Variants in KMT2B observed in about 807,000 individuals in gnomAD.
KMT2B encodes the protein histone-lysine N-methyltransferase 2B.
Under a neutral mutation model 255.3 loss-of-function variants are expected in KMT2B, and 22 were observed. That is an observed-to-expected ratio of 0.09 (90% CI 0.06 to 0.12). KMT2B has a LOEUF of 0.12. KMT2B is among the 10% of genes least tolerant of loss of function. The probability of loss-of-function intolerance (pLI) is 1.00; values close to 1 mark genes in which losing one functional copy is unlikely to be tolerated. For synonymous variants in KMT2B, 1,730 were observed against 1,498.1 expected (o/e 1.15, Z -3.57); for missense variants, 3,149 against 3,737.0 (o/e 0.84, Z 4.10).
In KMT2B at chr19:35,724,700, T is replaced by G; in HGVS notation, c.3398T>G (p.Leu1133Trp). Residue 1133 changes from leucine (L) to tryptophan (W), a missense_variant, in exon 9 of 37, where the codon TTG becomes TGG. Leu to Trp is a moderately conservative substitution (Grantham distance 61, BLOSUM62 -2). Around this residue, in one of 18 missense-constraint regions of KMT2B, gnomAD observed 136 missense variants for 137.3 expected, o/e 0.99. Coordinates refer to ENST00000420124, the MANE Select transcript of KMT2B (RefSeq NM_014727.3). ...RPRKPTLQPV[L>W]QLKARRRLDK... ...CGCAAACCTACCCTGCAGCCTGTGT[T>G]GCAGCTCAAGGCCCGAAGGCGCCTG... is the stretch of plus-strand genomic sequence containing the variant. 1 of 1,598,892 alleles carries G rather than the reference T, an allele frequency of 6.3e-7. No individual in the cohort carries two copies. Among genetic ancestry groups the G allele is most frequent in the Non-Finnish European group, 8.5e-7 (1 of 1,173,088 alleles).
rs1969140079 is a variant in KMT2B, at chr19:35,720,462, A to G, written c.1115A>G (p.Glu372Gly). ...GAGGAAGAAGAGAAGAAAGAAGAAG[A>G]AGAAAAAGACAAGGAGGGAGAAGAG... ...DDEEEEKKEE[E>G]EKDKEGEEKE... The change falls in exon 3 of 37, where the codon GAA becomes GGA. Residue 372 changes from glutamate to glycine, a missense_variant. Coordinates refer to ENST00000420124, the MANE Select transcript of KMT2B (RefSeq NM_014727.3). 4 of 1,551,958 alleles carry G rather than the reference A, an allele frequency of 2.6e-6. No homozygotes were observed. The Admixed American group carries it at 7.8e-5, about 30-fold the overall frequency.
Position 35,728,854 on chromosome 19 carries a change from C to T in KMT2B, c.4652C>T (p.Pro1551Leu). The change falls in exon 20 of 37, where the codon CCA (proline) becomes CTA (leucine). Residue 1551 changes from proline to leucine, a missense_variant. This residue lies in a region of KMT2B where 377 missense variants were observed against 471.0 expected (regional missense o/e 0.80). Coordinates refer to ENST00000420124, the MANE Select transcript of KMT2B (RefSeq NM_014727.3). ...TGGAGACAGCAGGAACCAGAGACCC[C>T]AGAATCAGGGCAGCCTCCAGGGGAT... is the stretch of plus-strand genomic sequence containing the variant. ...AQWRQQEPET[P>L]ESGQPPGDPS... The T allele has an allele frequency of 6.2e-7, 1 of 1,613,958 alleles. No individual in the cohort carries two copies. The highest frequency in any genetic ancestry group is 8.5e-7 in the Non-Finnish European group (1 of 1,179,858).
intron 19 of KMT2B, 67 bp from the exon 20 acceptor site, chr19:35,728,707 T>C (rs1969564889): frequency 1.6e-6 from 2 of 1,236,828 alleles, no homozygotes; most frequent in East Asian, 2.4e-5. Flanking sequence ...TCAGGCTGGT[T>C]TGTGGATGGG....
rs1255864852 is a variant in KMT2B at position 35,727,932 on chromosome 19, G to A, written c.4444G>A (p.Gly1482Arg). ...VGILMRHSEE[G>R]ETPDRRAGGQ... ...CATCCTCATGCGGCACTCGGAGGAG[G>A]GAGAGACCCCGGACCGCCGGGCTGG... The change falls in exon 18 of 37, where the codon GGA becomes AGA. Residue 1482 changes from glycine (G) to arginine (R), a missense_variant. Physicochemically the swap from Gly to Arg is moderately radical, Grantham distance 125. This residue lies in a region of KMT2B where 377 missense variants were observed against 471.0 expected (regional missense o/e 0.80). Transcript: ENST00000420124. The surrounding 1 kb of genome is among the most constrained non-coding windows in gnomAD (Gnocchi z 4.2). The A allele has an allele frequency of 6.3e-7, 1 of 1,598,776 alleles. No homozygotes were observed. The highest frequency in any genetic ancestry group is 8.5e-7 in the Non-Finnish European group (1 of 1,171,064).
chr19:35,723,021 A>C lies in KMT2B; in HGVS notation c.2749A>C (p.Ser917Arg). Residue 917 changes from serine (S) to arginine (R), a missense_variant, in exon 6 of 37, where the codon AGT (serine) becomes CGT (arginine). By Grantham distance (110) the Ser-to-Arg change is moderately radical. This residue lies in a region of KMT2B where 132 missense variants were observed against 174.7 expected (regional missense o/e 0.76). Coordinates refer to ENST00000420124, the MANE Select transcript of KMT2B (RefSeq NM_014727.3). This position sits in a 1 kb window ranked among gnomAD's most constrained non-coding sequence, Gnocchi z 7.5. The stretch of plus-strand genomic sequence containing the variant: ...TACATCATCGGCGTCCGAGACTGAG[A>C]GTGTCCCGTCACGGTCCCGGCGGGG... ...EDTSSASETE[S>R]VPSRSRRGKV... The C allele has an allele frequency of 1.2e-6, 2 of 1,607,948 alleles. No individual in the cohort carries two copies. The highest frequency in any genetic ancestry group is 1.7e-6 in the Non-Finnish European group (2 of 1,176,312).
intron 23 of KMT2B, 78 bp from the exon 24 acceptor site, chr19:35,730,264 C>A: frequency 6.2e-7 from 1 of 1,601,644 alleles, no homozygotes; most frequent in East Asian, 2.2e-5. Context: ...TTAGGCCAAG[C>A]CCCTGACTGT....
chr19:35,725,789 A>C lies in KMT2B; in HGVS notation c.3856A>C (p.Thr1286Pro). The change falls in exon 13 of 37, where the codon ACC becomes CCC. Residue 1286 changes from threonine to proline, a missense_variant. Thr to Pro is a conservative substitution (Grantham distance 38, BLOSUM62 -1). This residue lies in a region of KMT2B where 377 missense variants were observed against 471.0 expected (regional missense o/e 0.80). Transcript: ENST00000420124. This position sits in a 1 kb window ranked among gnomAD's most constrained non-coding sequence, Gnocchi z 4.1. Reference sequence around the variant, plus strand: ...GGCCTGTCTGGGGCCCAGCTATCCAACCCGGGCCACGCGCAAACGGCGCCA... The same window carrying C: ...GGCCTGTCTGGGGCCCAGCTATCCACCCCGGGCCACGCGCAAACGGCGCCA... The part of the protein sequence containing the change: ...HPACLGPSYP[T>P]RATRKRRHWI... 6.3e-7 allele frequency: 1 copy of C among 1,592,164 alleles called. No individual in the cohort carries two copies.
rs1491140630 is a variant in KMT2B, at chr19:35,737,004, CAG to C, written c.7372+19_7372+20del. 12 of 1,612,086 alleles carry C rather than the reference CAG, an allele frequency of 7.4e-6. No homozygotes were observed. The highest frequency in any genetic ancestry group is 4.5e-5 in the East Asian group (2 of 44,818). On this transcript the variant is annotated intron_variant, in intron 32 of 36. Transcript: ENST00000420124. The surrounding 1 kb of genome is among the most constrained non-coding windows in gnomAD (Gnocchi z 5.3). ...CTTTAGTGGTAAGGAGTGGGCCCCA[CAG>C]GGGGCAGGGAGCTGGATGTCTCCCC...
rs1351355937 is a variant in KMT2B, at chr19:35,718,962, G to A, written c.364-507G>A. On this transcript the variant is annotated intron_variant, in intron 1 of 36. Transcript: ENST00000420124. The surrounding 1 kb of genome is among the most constrained non-coding windows in gnomAD (Gnocchi z 5.0). ...CTCCCCCAGCCTTTCAGAACAGGCA[G>A]GAAGGTGTGGGTTGCGTTGCCCTGG... 6.6e-6 allele frequency among the ~76,000 whole-genome samples: 1 copy of A among 152,204 alleles called. No homozygotes were observed. The highest frequency in any genetic ancestry group is 1.5e-5 in the Non-Finnish European group (1 of 68,032).
chr19:35,733,033 A>C lies in KMT2B; in HGVS notation c.6484A>C (p.Thr2162Pro). The change falls in exon 28 of 37, where the codon ACA (threonine) becomes CCA (proline). Residue 2162 changes from threonine (T) to proline (P), a missense_variant. Physicochemically the swap from Thr to Pro is conservative, Grantham distance 38. Coordinates refer to ENST00000420124, the MANE Select transcript of KMT2B (RefSeq NM_014727.3). The surrounding 1 kb of genome is among the most constrained non-coding windows in gnomAD (Gnocchi z 4.3). ...CGCCAGCCCAGCTGACCCCACCCGC[A>C]CATTTGCCTGGCTCCCAGGGGCCCC... is the stretch of plus-strand genomic sequence containing the variant. The part of the protein sequence containing the change: ...LTASPADPTR[T>P]FAWLPGAPGV... 2.5e-6 allele frequency: 4 copies of C among 1,589,980 alleles called. No individual in the cohort carries two copies. Among genetic ancestry groups the C allele is most frequent in the Non-Finnish European group, 3.4e-6 (4 of 1,168,672 alleles).
chr19:35,723,991 G>A lies in KMT2B; in HGVS notation c.3318G>A (p.Arg1106=). 6.3e-7 allele frequency: 1 copy of A among 1,590,366 alleles called. No homozygotes were observed. Among genetic ancestry groups the A allele is most frequent in the South Asian group, 1.1e-5 (1 of 90,492 alleles). Residue 1106 remains arginine, a synonymous_variant, in exon 8 of 37, where the codon CGG becomes CGA. Coordinates refer to ENST00000420124, the MANE Select transcript of KMT2B (RefSeq NM_014727.3). The surrounding 1 kb of genome is among the most constrained non-coding windows in gnomAD (Gnocchi z 7.5). ...EPGGPPAPRR[R]TPRENELPLP... is the part of the protein sequence containing the mutation. Reference sequence around the variant, plus strand: ...GGGGCCCCCCTGCTCCTCGGCGTCGGACCCCCCGAGAAAATGGTGCGAACT... The same window carrying A: ...GGGGCCCCCCTGCTCCTCGGCGTCGAACCCCCCGAGAAAATGGTGCGAACT...
chr19:35,721,535 G>A lies in KMT2B; in HGVS notation c.2188G>A (p.Gly730Arg), dbSNP rs771149482. ...SPHGAPALSN[G>R]PQTQAQLLQP... The stretch of plus-strand genomic sequence containing the variant: ...TCACGGGGCTCCAGCTCTGAGCAAC[G>A]GGCCACAGACACAGGCTCAGCTACT... The change falls in exon 3 of 37, where the codon GGG becomes AGG. Residue 730 changes from glycine to arginine, a missense_variant. Around this residue, in one of 18 missense-constraint regions of KMT2B, gnomAD observed 1,188 missense variants for 1,106.4 expected, o/e 1.07. Coordinates refer to ENST00000420124, the MANE Select transcript of KMT2B (RefSeq NM_014727.3). 1.4e-5 allele frequency: 22 copies of A among 1,611,402 alleles called. No homozygotes were observed. Among genetic ancestry groups the A allele is most frequent in the African/African-American group, 8.0e-5 (6 of 74,856 alleles).
At position 35,733,390 on chromosome 19, in the gene KMT2B, G is replaced by T. The variant is rs1220658687; in HGVS notation, c.6841G>T (p.Val2281Leu). Residue 2281 changes from valine to leucine, a missense_variant, in exon 28 of 37, where the codon GTG becomes TTG. By Grantham distance (32) the Val-to-Leu change is conservative. Transcript: ENST00000420124. This position sits in a 1 kb window ranked among gnomAD's most constrained non-coding sequence, Gnocchi z 4.3. ...PPRQAIRVKR[V>L]STFSGRSPPA... ...CCGCCAGGCCATCCGCGTCAAGAGG[G>T]TGTCCACTTTCTCCGGCCGGTCCCC... is the stretch of plus-strand genomic sequence containing the variant. 4.5e-6 allele frequency: 7 copies of T among 1,550,086 alleles called. No individual in the cohort carries two copies. The highest frequency in any genetic ancestry group is 6.1e-6 in the Non-Finnish European group (7 of 1,146,860).
In KMT2B at chr19:35,727,519, G is replaced by C; in HGVS notation, c.4199G>C (p.Arg1400Pro). 6.2e-7 allele frequency: 1 copy of C among 1,610,344 alleles called. No homozygotes were observed. The change falls in exon 16 of 37, where the codon CGC becomes CCC. Residue 1400 changes from arginine (R) to proline (P), a missense_variant. Transcript: ENST00000420124. This position sits in a 1 kb window ranked among gnomAD's most constrained non-coding sequence, Gnocchi z 4.2. The stretch of plus-strand genomic sequence containing the variant: ...CCGTGTGCTGGGGCAGCGCAGCCCC[G>C]CTGGCGAGAGGCCCTGAGCGGGGCC... Reference protein sequence around the residue: ...CGPCAGAAQPRWREALSGALQ... With the variant: ...CGPCAGAAQPPWREALSGALQ...
chr19:35,729,885 A>C (rs2146461314), intron 22 of KMT2B, 82 bp from the exon 23 acceptor site: 1 of 1,387,184 alleles, frequency 7.2e-7, no homozygotes, highest in Non-Finnish European at 9.8e-7. Flanking sequence ...CTAGACAGGG[A>C]CCCATGCAGA....
chr19:35,736,263 T>C (rs1210416219), intron 30 of KMT2B: 4 of 166,590 alleles, frequency 2.4e-5, no homozygotes, highest in African/African-American at 9.6e-5. Context: ...AAAATGATAA[T>C]TTTATGTTTG....
intron 22 of KMT2B, 61 bp from the exon 23 acceptor site, chr19:35,729,906 G>A (rs1672366583): frequency 3.9e-6 from 6 of 1,524,116 alleles, no homozygotes; most frequent in South Asian, 3.5e-5. Context: ...CTCAGTGACA[G>A]TGGTGCCTGG....
chr19:35,722,825 G>T, intron 5 of KMT2B, 107 bp downstream of exon 5: 1 of 1,462,046 alleles, frequency 6.8e-7, no homozygotes, highest in South Asian at 1.4e-5. Context: ...GTGCTCAGGG[G>T]TTAGGTGGCA....
intron 13 of KMT2B, among the ~76,000 whole-genome samples, chr19:35,726,021 A>C (rs980106241): frequency 3.9e-5 from 6 of 152,094 alleles, no homozygotes; most frequent in African/African-American, 1.4e-4. Context: ...GGGCTTATGA[A>C]TCTCACATTC....
Sources: gnomAD v4.1 joint callset for allele counts (sites outside exome capture counted in the v4.1 genomes callset) on GRCh38, gnomAD v4.1.1 for gene constraint, gnomAD v4.1.1 regional missense constraint, Gnocchi (gnomAD v3.1) non-coding constraint, MANE v1.5 for transcripts, NCBI Gene and HGNC (gene_info 2026-07-23, HGNC 2026-07-21) for gene names.